Variants in TMEM259 observed in about 807,000 individuals in gnomAD.
TMEM259 encodes the protein membralin.
TMEM259 carries 26 observed loss-of-function variants against 46.7 expected under a neutral mutation model. The ratio of observed to expected loss-of-function variants is 0.56; its 90% CI spans 0.41 to 0.77. TMEM259 has a LOEUF of 0.77. Ranked by LOEUF, TMEM259 falls within the 30% of genes least tolerant of loss-of-function variation. The pLI is 0.00. For missense variants in TMEM259, 930 were observed against 900.5 expected (o/e 1.03, Z -0.42); for synonymous variants, 494 against 395.1 (o/e 1.25, Z -2.97).
rs1033919463 is a variant in TMEM259, at chr19:1,021,015, C to A, written c.-19G>T. ...CCGACATGCCTCCCAGCGTCGCGCC[C>A]TAACGACCCGCAAGTGTCCGAGGGC... On this transcript the variant is annotated 5_prime_UTR_variant, in exon 1 of 11. It adds an upstream start codon to the 5' untranslated region. Coordinates refer to ENST00000356663, the MANE Select transcript of TMEM259 (RefSeq NM_001033026.2). The A allele has an allele frequency of 7.4e-7, 1 of 1,358,062 alleles. No individual in the cohort carries two copies. Among genetic ancestry groups the A allele is most frequent in the East Asian group, 3.3e-5 (1 of 29,926 alleles). The allele number at this position is 1,358,062 out of a possible 1,614,324, so 84.1% of individuals were successfully genotyped here.
At chr19:1,014,822 G>A (rs947100548) in intron 1 of TMEM259, among the ~76,000 whole-genome samples, 3 of 152,168 alleles carry the variant, frequency 2.0e-5, no homozygotes, top group African/African-American at 4.8e-5. Flanking sequence ...CCAGCAGGCC[G>A]GGGCCCTCTC....
Position 1,012,186 on chromosome 19 carries a change from G to C in TMEM259, c.721C>G (p.Pro241Ala). The change falls in exon 5 of 11, where the codon CCC becomes GCC. Residue 241 changes from proline (P) to alanine (A), a missense_variant and splice_region_variant. Physicochemically the swap from Pro to Ala is conservative, Grantham distance 27 (BLOSUM62 -1). Coordinates refer to ENST00000356663, the MANE Select transcript of TMEM259 (RefSeq NM_001033026.2). Reference sequence around the variant, plus strand: ...TCCCCGAAGCACTGGTCCCGCGTGGGGTCTGCGGGTGGGTGAATCAGGGAG... The same window carrying C: ...TCCCCGAAGCACTGGTCCCGCGTGGCGTCTGCGGGTGGGTGAATCAGGGAG... ...SIPVMVVTLD[P>A]TRDQCFGDRF... 2 of 1,598,878 alleles carry C rather than the reference G, an allele frequency of 1.3e-6. No homozygotes were observed. The highest frequency in any genetic ancestry group is 2.2e-5 in the South Asian group (2 of 89,060).
intron 1 of TMEM259, among the ~76,000 whole-genome samples, chr19:1,019,776 A>C (rs2039226823): frequency 6.6e-6 from 1 of 152,196 alleles, no homozygotes; most frequent in Non-Finnish European, 1.5e-5. Context: ...GCGCAACTTC[A>C]GCAGCCCCCA....
At position 1,009,896 on chromosome 19, in the gene TMEM259, A is replaced by C; in HGVS notation, c.*454T>G. The stretch of plus-strand genomic sequence containing the variant: ...CCCGGGGACCCCAAGCCTGGCGCAC[A>C]CGCGGGGAGGGCGGGGCCATGGAGA... On this transcript the variant is annotated 3_prime_UTR_variant, in exon 11 of 11. Transcript: ENST00000356663. 1 of 356,834 alleles carries C rather than the reference A, an allele frequency of 2.8e-6. No individual in the cohort carries two copies. Among genetic ancestry groups the C allele is most frequent in the South Asian group, 6.9e-5 (1 of 14,398 alleles). The allele number at this position is 356,834 out of a possible 1,614,324, so 22.1% of individuals were successfully genotyped here. A position where few individuals can be genotyped will look rare whatever the true frequency, so the allele number is the denominator to read the frequency against.
At position 1,013,273 on chromosome 19, in the gene TMEM259, T is replaced by G; in HGVS notation, c.575A>C (p.Gln192Pro). 6.2e-7 allele frequency: 1 copy of G among 1,613,872 alleles called. No homozygotes were observed. The highest frequency in any genetic ancestry group is 8.5e-7 in the Non-Finnish European group (1 of 1,179,820). ...PSSTEALNDS[Q>P]EFPFPETPTK... Reference sequence around the variant, plus strand: ...GGGCGTCTCGGGGAAGGGGAACTCCTGGCTGTCATTCAGGGCCTCTGTGCT... The same window carrying G: ...GGGCGTCTCGGGGAAGGGGAACTCCGGGCTGTCATTCAGGGCCTCTGTGCT... Residue 192 changes from glutamine to proline, a missense_variant, in exon 3 of 11, where the codon CAG becomes CCG. Physicochemically the swap from Gln to Pro is moderately conservative, Grantham distance 76. Transcript: ENST00000356663.
intron 1 of TMEM259, among the ~76,000 whole-genome samples, chr19:1,016,897 C>T (rs895308583): frequency 6.6e-6 from 1 of 152,186 alleles, no homozygotes; most frequent in African/African-American, 2.4e-5. Flanking sequence ...AGTGTTTTCA[C>T]ACAATGTGCA....
intron 4 of TMEM259, 84 bp downstream of exon 4, chr19:1,012,379 C>CGA (rs1568402347): frequency 6.6e-7 from 1 of 1,515,968 alleles, no homozygotes; most frequent in South Asian, 1.3e-5. Flanking sequence ...GCACAGCCCC[C>CGA]CGTCCCGCAC....
At chr19:1,015,630 G>T (rs2039082843) in intron 1 of TMEM259, among the ~76,000 whole-genome samples, 1 of 151,938 alleles carries the variant, frequency 6.6e-6, no homozygotes, top group African/African-American at 2.4e-5. Flanking sequence ...TGGGCCAAGG[G>T]GGCGCCCACG....
Position 1,012,584 on chromosome 19 carries a change from G to A in TMEM259, c.608-11C>T, listed in dbSNP as rs141106687. The A allele has an allele frequency of 1.1e-3, 1,792 of 1,567,680 alleles. 21 individuals are homozygous for A. In the African/African-American group the frequency reaches 0.021, roughly 18 times the overall value. On this transcript the variant is annotated splice_polypyrimidine_tract_variant and intron_variant, in intron 3 of 10. Coordinates refer to ENST00000356663, the MANE Select transcript of TMEM259 (RefSeq NM_001033026.2). ...CGTCCTGCGGCCACACTGCAGGGCA[G>A]AACCAGGGACCAGGTCAGCGCCCCC...
Position 1,012,610 on chromosome 19 carries a change from ACACACGTCCCCCG to A in TMEM259, c.608-50_608-38del, listed in dbSNP as rs1165497470. On this transcript the variant is annotated intron_variant, in intron 3 of 10. Transcript: ENST00000356663. ...AACCAGGGACCAGGTCAGCGCCCCCACACACGTCCCCCGCCCACTGCCAGCAGGCAAGGCAGGC... is the reference window on the plus strand; with the variant it reads ...AACCAGGGACCAGGTCAGCGCCCCCACCCACTGCCAGCAGGCAAGGCAGGC... The A allele has an allele frequency of 1.9e-6, 3 of 1,545,390 alleles. No individual in the cohort carries two copies. The South Asian group carries it at 3.6e-5, about 18-fold the overall frequency.
At chr19:1,019,717 C>T (rs193095483) in intron 1 of TMEM259, among the ~76,000 whole-genome samples, 28 of 152,316 alleles carry the variant, frequency 1.8e-4, no homozygotes, top group Non-Finnish European at 2.9e-5. Context: ...CGCAGCCTGG[C>T]CCGCCAGCAT....
At chr19:1,013,206 C>G (rs1599478746) in intron 3 of TMEM259, 35 bp downstream of exon 3, 1 of 1,590,654 alleles carries the variant, frequency 6.3e-7, no homozygotes, top group East Asian at 2.2e-5. Context: ...CTGAGGCAAC[C>G]CCGTGAGGCA....
At chr19:1,013,117 G>A (rs1288543942) in intron 3 of TMEM259, 124 bp downstream of exon 3, 11 of 821,960 alleles carry the variant, frequency 1.3e-5, no homozygotes, top group South Asian at 6.4e-5. Flanking sequence ...GCACGGGGGT[G>A]CCCTCAACGG....
At position 1,020,892 on chromosome 19, in the gene TMEM259, G is replaced by T; in HGVS notation, c.105C>A (p.Asn35Lys). ...GCCGGTCGCGCACGTTGATGAGGGG[G>T]TTGGGGTTGAGATTGGGGGTGCGAG... ...RGPRTPNLNP[N>K]PLINVRDRLF... The change falls in exon 1 of 11, where the codon AAC (asparagine) becomes AAA (lysine). Residue 35 changes from asparagine (N) to lysine (K), a missense_variant. Asn to Lys is a moderately conservative substitution (Grantham distance 94, BLOSUM62 0). Transcript: ENST00000356663. The surrounding 1 kb of genome is among the most constrained non-coding windows in gnomAD (Gnocchi z 4.0). 7.6e-7 allele frequency: 1 copy of T among 1,315,614 alleles called. No individual in the cohort carries two copies. Among genetic ancestry groups the T allele is most frequent in the South Asian group, 2.5e-5 (1 of 39,844 alleles). 81.5% of individuals were successfully genotyped at this position (1,315,614 alleles called of 1,614,324 possible). A position where few individuals can be genotyped will look rare whatever the true frequency, so the allele number is the denominator to read the frequency against.
At position 1,010,491 on chromosome 19, in the gene TMEM259, C is replaced by T. The variant is rs1210422891; in HGVS notation, c.1722G>A (p.Gly574=). 1.3e-6 allele frequency: 2 copies of T among 1,546,376 alleles called. No individual in the cohort carries two copies. Among genetic ancestry groups the T allele is most frequent in the Admixed American group, 3.9e-5 (2 of 50,698 alleles). Residue 574 remains glycine (G), a synonymous_variant, in exon 11 of 11, where the codon GGG becomes GGA. Coordinates refer to ENST00000356663, the MANE Select transcript of TMEM259 (RefSeq NM_001033026.2). ...RRPASPLGPA[G]GLPHAPQDSV... ...TGTCCTGGGGGGCGTGGGGGAGGCC[C>T]CCAGCAGGGCCCAGCGGGCTGGCTG...
rs2039279811 is a variant in TMEM259, at chr19:1,021,072, C to G, written c.-76G>C. The G allele has an allele frequency of 7.9e-7, 1 of 1,258,366 alleles. No homozygotes were observed. The highest frequency in any genetic ancestry group is 1.0e-6 in the Non-Finnish European group (1 of 994,904). 78.0% of individuals were successfully genotyped at this position (1,258,366 alleles called of 1,614,324 possible). Reference sequence around the variant, plus strand: ...CGGCCGCCATCGGCCGCCCTCGCAGCCGCCGCTCTCCTCACGGCCTCCCGG... The same window carrying G: ...CGGCCGCCATCGGCCGCCCTCGCAGGCGCCGCTCTCCTCACGGCCTCCCGG... On this transcript the variant is annotated 5_prime_UTR_variant, in exon 1 of 11. Coordinates refer to ENST00000356663, the MANE Select transcript of TMEM259 (RefSeq NM_001033026.2).
At chr19:1,012,229 G>A (rs778043353) in intron 4 of TMEM259, 41 bp from the exon 5 acceptor site, 3 of 1,568,542 alleles carry the variant, frequency 1.9e-6, no homozygotes, top group African/African-American at 1.4e-5. Context: ...CCCCGCCCAG[G>A]CCACCCCCTG....
intron 1 of TMEM259, among the ~76,000 whole-genome samples, chr19:1,016,599 A>G (rs1033704401): frequency 6.6e-6 from 1 of 152,206 alleles, no homozygotes; most frequent in Non-Finnish European, 1.5e-5. Context: ...AACGCTTCAC[A>G]AGGGACGCAC....
rs200991222 is a variant in TMEM259 at position 1,012,078 on chromosome 19, C to T, written c.829G>A (p.Glu277Lys). The T allele has an allele frequency of 1.9e-6, 3 of 1,612,200 alleles. No homozygotes were observed. The highest frequency in any genetic ancestry group is 2.5e-6 in the Non-Finnish European group (3 of 1,179,552). Reference sequence around the variant, plus strand: ...GGGCATGCCTCACCCTTGTTCTCCTCGTTCTCGGCCAGGCCCTTCACGCTG... The same window carrying T: ...GGGCATGCCTCACCCTTGTTCTCCTTGTTCTCGGCCAGGCCCTTCACGCTG... ...MSSVKGLAEN[E>K]ENKGFLRNVV... Residue 277 changes from glutamate to lysine, a missense_variant, in exon 5 of 11, where the codon GAG becomes AAG. Transcript: ENST00000356663.
Sources: gnomAD v4.1 joint callset for allele counts (sites outside exome capture counted in the v4.1 genomes callset) on GRCh38, gnomAD v4.1.1 for gene constraint, Gnocchi (gnomAD v3.1) non-coding constraint, MANE v1.5 for transcripts, NCBI Gene and HGNC (gene_info 2026-07-23, HGNC 2026-07-21) for gene names.